Variants in KCNN2 observed in about 807,000 individuals in gnomAD.
The protein encoded by KCNN2 is small conductance calcium-activated potassium channel protein 2.
A neutral mutation model predicts 55.5 loss-of-function variants in KCNN2; 24 were observed. The ratio of observed to expected loss-of-function variants is 0.43; its 90% CI spans 0.31 to 0.61. The LOEUF is 0.61. KCNN2 is among the 20% of genes least tolerant of loss of function. The pLI is 0.08. For missense variants in KCNN2, 754 were observed against 853.6 expected (o/e 0.88, Z 1.45); for synonymous variants, 431 against 336.1 (o/e 1.28, Z -3.09).
chr5:114,151,075 G>C (rs1482113286), intron 1 of KCNN2, among the ~76,000 whole-genome samples: 1 of 147,408 alleles, frequency 6.8e-6, no homozygotes, highest in Non-Finnish European at 1.5e-5. Context: ...ATTCCTTTCA[G>C]GCACAACTTT....
intron 1 of KCNN2, among the ~76,000 whole-genome samples, chr5:114,198,778 G>A (rs1311803367): frequency 3.3e-5 from 5 of 151,806 alleles, no homozygotes; most frequent in African/African-American, 1.2e-4. Context: ...TTTTTCCACT[G>A]TGGTCTGAGA....
At chr5:114,341,323 G>A (rs1757011288) in intron 2 of KCNN2, among the ~76,000 whole-genome samples, 2 of 152,176 alleles carry the variant, frequency 1.3e-5, no homozygotes, top group South Asian at 4.1e-4. Context: ...GAAGGATGTG[G>A]ATCAGGAGTT....
At chr5:114,272,572 T>A (rs1354252640) in intron 2 of KCNN2, among the ~76,000 whole-genome samples, 1 of 152,172 alleles carries the variant, frequency 6.6e-6, no homozygotes, top group Non-Finnish European at 1.5e-5. Context: ...CTAAATGCTC[T>A]ATAAACTCCA....
At chr5:114,082,722 A>G (rs971414620) in intron 1 of KCNN2, among the ~76,000 whole-genome samples, 4 of 152,042 alleles carry the variant, frequency 2.6e-5, no homozygotes, top group Non-Finnish European at 5.9e-5. Flanking sequence ...TGTGCACACA[A>G]TGGACTTAAA....
intron 2 of KCNN2, among the ~76,000 whole-genome samples, chr5:114,321,667 G>A (rs1460354084): frequency 6.7e-6 from 1 of 148,906 alleles, no homozygotes; most frequent in Non-Finnish European, 1.5e-5. Context: ...TTTTTTTGTT[G>A]TTGTTTGTTT....
At chr5:114,140,841 T>G (rs1033163448) in intron 1 of KCNN2, among the ~76,000 whole-genome samples, 5 of 150,700 alleles carry the variant, frequency 3.3e-5, no homozygotes, top group Non-Finnish European at 7.4e-5. Context: ...TAGGCTGGAG[T>G]ACAGTGGCAT....
chr5:114,205,448 A>G (rs1000373415), intron 1 of KCNN2, among the ~76,000 whole-genome samples: 1 of 152,178 alleles, frequency 6.6e-6, no homozygotes, highest in Non-Finnish European at 1.5e-5. Flanking sequence ...CTTAGAGTGC[A>G]CTGGGTTGTG....
At chr5:114,273,570 A>G (rs953177282) in intron 2 of KCNN2, among the ~76,000 whole-genome samples, 1 of 152,080 alleles carries the variant, frequency 6.6e-6, no homozygotes, top group African/African-American at 2.4e-5. Context: ...ATGGTACCTC[A>G]CTGAGGTTTT....
At chr5:114,395,763 C>G (rs1758595897) in intron 2 of KCNN2, among the ~76,000 whole-genome samples, 1 of 152,154 alleles carries the variant, frequency 6.6e-6, no homozygotes, top group African/African-American at 2.4e-5. Context: ...GGCACCTAGC[C>G]TTGTCTCCTA....
At chr5:114,404,914 G>GA (rs1031355105) in intron 3 of KCNN2, 58 bp downstream of exon 3, 3,364 of 1,421,834 alleles carry the variant, frequency 2.4e-3, no homozygotes, top group South Asian at 2.7e-3. Flanking sequence ...TCACAAGTAA[G>GA]AAAAAAAAAA....
intron 1 of KCNN2, among the ~76,000 whole-genome samples, chr5:114,145,200 TG>T (rs1752373453): frequency 6.6e-6 from 1 of 152,208 alleles, no homozygotes; most frequent in African/African-American, 2.4e-5. Flanking sequence ...ACTACTTTTT[TG>T]TAAGTAATAT....
chr5:114,207,468 C>G (rs1196241269), intron 1 of KCNN2, among the ~76,000 whole-genome samples: 1 of 152,132 alleles, frequency 6.6e-6, no homozygotes, highest in Non-Finnish European at 1.5e-5. Flanking sequence ...CTTTTAATAC[C>G]CATACCTAGT....
chr5:114,104,780 C>T (rs1751446215), intron 1 of KCNN2, among the ~76,000 whole-genome samples: 1 of 151,944 alleles, frequency 6.6e-6, no homozygotes, highest in South Asian at 2.1e-4. Context: ...TAAGTTATAT[C>T]TCTGCTGAGG....
At chr5:114,379,812 A>G (rs1195107694) in intron 2 of KCNN2, among the ~76,000 whole-genome samples, 1 of 141,500 alleles carries the variant, frequency 7.1e-6, no homozygotes, top group Non-Finnish European at 1.5e-5. Context: ...TATATAACAT[A>G]TTATATATTT....
chr5:114,237,594 T>A (rs902817679), intron 2 of KCNN2, among the ~76,000 whole-genome samples: 8 of 152,142 alleles, frequency 5.3e-5, no homozygotes, highest in East Asian at 3.8e-4. Context: ...TTCACTTTTA[T>A]CTCTAAATTT....
chr5:114,228,756 T>C (rs1026571478), intron 2 of KCNN2, among the ~76,000 whole-genome samples: 1 of 152,096 alleles, frequency 6.6e-6, no homozygotes, highest in Non-Finnish European at 1.5e-5. Flanking sequence ...GTTCAGAATG[T>C]TGTCAATCAC....
intron 1 of KCNN2, among the ~76,000 whole-genome samples, chr5:114,130,164 A>AAT (rs1194633574): frequency 6.6e-6 from 1 of 152,148 alleles, no homozygotes; most frequent in African/African-American, 2.4e-5. Context: ...GAGTTTAATA[A>AAT]ATATATTCTT....
At chr5:114,473,025 T>C in intron 4 of KCNN2, 29 bp from the exon 5 acceptor site, 1 of 1,391,362 alleles carries the variant, frequency 7.2e-7, no homozygotes, top group Non-Finnish European at 1.0e-6. Flanking sequence ...TAGTAATGCT[T>C]TGGGTTTCTC....
At chr5:114,167,718 A>G (rs1476245705) in intron 1 of KCNN2, among the ~76,000 whole-genome samples, 1 of 152,124 alleles carries the variant, frequency 6.6e-6, no homozygotes, top group Non-Finnish European at 1.5e-5. Context: ...CAGATATGAA[A>G]ATGTACAAAC....
Sources: allele counts gnomAD v4.1 joint callset (sites outside exome capture counted in the v4.1 genomes callset), GRCh38; gene constraint gnomAD v4.1.1; transcripts MANE v1.5; gene names NCBI Gene and HGNC (gene_info 2026-07-23, HGNC 2026-07-21).